The following STX8 variants were observed in gnomAD, a reference collection of about 807,000 sequenced individuals.
STX8 encodes syntaxin-8.
Under a neutral mutation model 37.5 loss-of-function variants are expected in STX8, and 23 were observed. The observed-to-expected ratio is 0.61, with a 90% CI of 0.44 to 0.87. The LOEUF is 0.87. STX8 is among the 40% of genes least tolerant of loss of function. The pLI, the probability that STX8 is intolerant of heterozygous loss-of-function variation, is 0.00. For synonymous variants in STX8, 115 were observed against 99.1 expected (o/e 1.16, Z -0.95); for missense variants, 313 against 284.7 (o/e 1.10, Z -0.71).
chr17:9,354,995 T>C (rs1403399678), intron 7 of STX8, among the ~76,000 whole-genome samples: 1 of 152,200 alleles, frequency 6.6e-6, no homozygotes, highest in African/African-American at 2.4e-5. Flanking sequence ...TTGGATGCCA[T>C]TCTAAGTTCA....
chr17:9,274,907 T>C (rs559023247), intron 7 of STX8, among the ~76,000 whole-genome samples: 299 of 151,156 alleles, frequency 2.0e-3, no homozygotes, highest in African/African-American at 5.4e-3. Flanking sequence ...TGCACCACCA[T>C]GCCTGGCTAA....
chr17:9,350,674 A>T (rs1910677911), intron 7 of STX8, among the ~76,000 whole-genome samples: 1 of 152,144 alleles, frequency 6.6e-6, no homozygotes, highest in Non-Finnish European at 1.5e-5. Context: ...CTGGGATTAC[A>T]GGTGCCCGCC....
chr17:9,461,058 C>A (rs1197739190), intron 6 of STX8, among the ~76,000 whole-genome samples: 1 of 151,178 alleles, frequency 6.6e-6, no homozygotes, highest in Admixed American at 6.6e-5. Flanking sequence ...ATATTTATAG[C>A]CTTTCCACAG....
At chr17:9,487,779 C>T (rs1167581025) in intron 6 of STX8, among the ~76,000 whole-genome samples, 2 of 152,172 alleles carry the variant, frequency 1.3e-5, no homozygotes, top group Non-Finnish European at 2.9e-5. Context: ...AGTCGAAGGA[C>T]CTCTGACTGT....
chr17:9,268,285 A>G (rs1240215238), intron 7 of STX8, among the ~76,000 whole-genome samples: 2 of 139,452 alleles, frequency 1.4e-5, no homozygotes, highest in Admixed American at 7.2e-5. Context: ...GAGTAAGAAC[A>G]AAAAAAAAAA....
intron 7 of STX8, among the ~76,000 whole-genome samples, chr17:9,258,894 G>A (rs1046427613): frequency 6.6e-6 from 1 of 152,194 alleles, no homozygotes; most frequent in African/African-American, 2.4e-5. Context: ...CTCATCCTCT[G>A]TATTTCATGT....
intron 7 of STX8, among the ~76,000 whole-genome samples, chr17:9,370,181 C>T (rs1478443481): frequency 6.6e-6 from 1 of 152,156 alleles, no homozygotes; most frequent in East Asian, 1.9e-4. Context: ...CACCATTGCA[C>T]TCCAGCCTGG....
At chr17:9,289,289 G>A (rs1908219209) in intron 7 of STX8, among the ~76,000 whole-genome samples, 3 of 152,032 alleles carry the variant, frequency 2.0e-5, no homozygotes, top group Admixed American at 1.3e-4. Context: ...GGCTTAAGGG[G>A]GTAAATCAAG....
intron 4 of STX8, among the ~76,000 whole-genome samples, chr17:9,543,258 T>C (rs1906354208): frequency 1.3e-5 from 2 of 151,692 alleles, no homozygotes; most frequent in South Asian, 4.2e-4. Flanking sequence ...CTAAAAAGAC[T>C]CTGCCTTCAG....
chr17:9,540,286 C>T (rs1906227696), intron 4 of STX8, among the ~76,000 whole-genome samples: 1 of 152,182 alleles, frequency 6.6e-6, no homozygotes, highest in African/African-American at 2.4e-5. Flanking sequence ...CGCTAGCTAG[C>T]TGGGTATTTG....
chr17:9,471,062 T>A (rs1262960826), intron 6 of STX8, among the ~76,000 whole-genome samples: 1 of 118,300 alleles, frequency 8.5e-6, no homozygotes, highest in Admixed American at 9.7e-5. Context: ...TTTGACAGAG[T>A]CTTACTCTGT....
intron 6 of STX8, among the ~76,000 whole-genome samples, chr17:9,416,747 G>GA (rs960372414): frequency 4.6e-5 from 7 of 151,844 alleles, no homozygotes; most frequent in East Asian, 1.9e-4. Flanking sequence ...AACCACCTTT[G>GA]AAAAAAAACT....
intron 7 of STX8, among the ~76,000 whole-genome samples, chr17:9,301,262 G>A (rs573289012): frequency 4.6e-5 from 7 of 152,086 alleles, no homozygotes; most frequent in African/African-American, 1.7e-4. Context: ...AGTTTCTGAA[G>A]AGTAATTTTT....
chr17:9,250,767 A>C (rs1257692415), intron 7 of STX8, 122 bp from the exon 8 acceptor site: 1 of 1,033,950 alleles, frequency 9.7e-7, no homozygotes, highest in Non-Finnish European at 1.4e-6. Context: ...GTTTGTACGA[A>C]GTGGAGAGAG....
At chr17:9,299,408 G>A (rs1463469891) in intron 7 of STX8, among the ~76,000 whole-genome samples, 1 of 151,052 alleles carries the variant, frequency 6.6e-6, no homozygotes, top group Non-Finnish European at 1.5e-5. Context: ...AGGAAAAGAG[G>A]GGATTGCCTG....
At chr17:9,342,627 T>C (rs1209654455) in intron 7 of STX8, among the ~76,000 whole-genome samples, 1 of 152,012 alleles carries the variant, frequency 6.6e-6, no homozygotes, top group African/African-American at 2.4e-5. Context: ...GTGTGGCGCG[T>C]GTGTTTATGA....
chr17:9,310,196 T>A (rs981492824), intron 7 of STX8, among the ~76,000 whole-genome samples: 1 of 152,160 alleles, frequency 6.6e-6, no homozygotes, highest in Non-Finnish European at 1.5e-5. Flanking sequence ...GGCACCCTGA[T>A]AACCAAAATC....
chr17:9,358,702 T>G (rs1005269873), intron 7 of STX8, among the ~76,000 whole-genome samples: 4 of 151,686 alleles, frequency 2.6e-5, no homozygotes, highest in African/African-American at 9.7e-5. Flanking sequence ...GGCTGAAGGG[T>G]GGGATGCAGC....
intron 7 of STX8, among the ~76,000 whole-genome samples, chr17:9,352,109 G>T (rs57988706): frequency 0.11 from 17,118 of 149,746 alleles, 1,025 homozygotes; most frequent in Middle Eastern, 0.17. Context: ...CTACGATTGT[G>T]CCACTGCACT....
Sources: gnomAD v4.1 joint callset for allele counts (sites outside exome capture counted in the v4.1 genomes callset) on GRCh38, gnomAD v4.1.1 for gene constraint, MANE v1.5 for transcripts, NCBI Gene and HGNC (gene_info 2026-07-23, HGNC 2026-07-21) for gene names.